The following TCP1 variants were observed in gnomAD, a reference collection of about 807,000 sequenced individuals.
TCP1 encodes the protein t-complex 1.
In TCP1, 6 loss-of-function variants were observed where a neutral mutation model predicts 54.7. The ratio of observed to expected loss-of-function variants is 0.11; its 90% CI spans 0.06 to 0.22. TCP1 has a LOEUF of 0.22. Ranked by LOEUF, TCP1 falls within the 10% of genes least tolerant of loss-of-function variation. TCP1 has a pLI of 1.00. For synonymous variants in TCP1, 225 were observed against 229.7 expected (o/e 0.98, Z 0.19); for missense variants, 511 against 678.2 (o/e 0.75, Z 2.74).
intron 3 of TCP1, 23 bp downstream of exon 3, chr6:159,787,720 C>T (rs1780732430): frequency 1.3e-6 from 2 of 1,582,088 alleles, no homozygotes; most frequent in African/African-American, 1.4e-5. Context: ...GAAAAATGAT[C>T]ATTCTTTAGC....
At chr6:159,785,337 G>A (rs1780669150) in intron 5 of TCP1, 49 bp downstream of exon 5, 2 of 1,418,474 alleles carry the variant, frequency 1.4e-6, no homozygotes, top group Non-Finnish European at 2.0e-6. Context: ...CCATCTCAAA[G>A]TCTTATGCTT....
At chr6:159,789,309 AGGT>A in intron 1 of TCP1, 93 bp downstream of exon 1, 1 of 1,413,302 alleles carries the variant, frequency 7.1e-7, no homozygotes, top group Non-Finnish European at 9.8e-7. Flanking sequence ...CTTTCTGCGG[AGGT>A]AAAGGAGAGA....
intron 6 of TCP1, 121 bp from the exon 7 acceptor site, chr6:159,784,188 A>G: frequency 2.4e-6 from 3 of 1,263,468 alleles, no homozygotes; most frequent in Non-Finnish European, 1.1e-6. Flanking sequence ...TTATCTTAGA[A>G]AAATTTTATG....
chr6:159,781,533 G>A (rs1780576191), intron 7 of TCP1, among the ~76,000 whole-genome samples: 1 of 152,236 alleles, frequency 6.6e-6, no homozygotes, highest in African/African-American at 2.4e-5. Flanking sequence ...AGCACTTTGG[G>A]AGGCTGAGGC....
At position 159,789,556 on chromosome 6, in the gene TCP1, G is replaced by C; in HGVS notation, c.-88C>G. 1 of 1,486,418 alleles carries C rather than the reference G, an allele frequency of 6.7e-7. No homozygotes were observed. The highest frequency in any genetic ancestry group is 9.3e-7 in the Non-Finnish European group (1 of 1,077,302). 92.1% of individuals were successfully genotyped at this position (1,486,418 alleles called of 1,614,324 possible). On this transcript the variant is annotated 5_prime_UTR_variant, in exon 1 of 12. Coordinates refer to ENST00000321394, the MANE Select transcript of TCP1 (RefSeq NM_030752.3). ...TCGGCCGACCGGCGACCACAGCAGT[G>C]GCTGCGACGGCGTGGAGCGTACCCG... is the stretch of plus-strand genomic sequence containing the variant.
Position 159,779,666 on chromosome 6 carries a change from T to C in TCP1, c.1415A>G (p.Asn472Ser). 2 of 1,612,342 alleles carry C rather than the reference T, an allele frequency of 1.2e-6. No homozygotes were observed. Among genetic ancestry groups the C allele is most frequent in the Non-Finnish European group, 1.7e-6 (2 of 1,179,610 alleles). Reference sequence around the variant, plus strand: ...ACGTTCTGGGTTAACCTGGGCCTCATTATGAAAAGCTCTTAATTTTGCAAC... The same window carrying C: ...ACGTTCTGGGTTAACCTGGGCCTCACTATGAAAAGCTCTTAATTTTGCAAC... ...DLVAKLRAFH[N>S]EAQVNPERKN... The change falls in exon 11 of 12, where the codon AAT becomes AGT. Residue 472 changes from asparagine to serine, a missense_variant. Asn to Ser is a conservative substitution (Grantham distance 46). This residue lies in a region of TCP1 where 88 missense variants were observed against 153.1 expected (regional missense o/e 0.57). Transcript: ENST00000321394.
rs952863490 is a variant in TCP1 at position 159,787,327 on chromosome 6, C to T, written c.279+416G>A. On this transcript the variant is annotated intron_variant, in intron 3 of 11. Transcript: ENST00000321394. ...TCCAAATAATCAGAAAAGTTGAGAG[C>T]TTTCCAAGTCTCAAGGGGTGATGGG... 6.6e-5 allele frequency among the ~76,000 whole-genome samples: 10 copies of T among 152,098 alleles called. No homozygotes were observed. In the East Asian group the frequency reaches 1.9e-3, roughly 29 times the overall value.
At position 159,782,546 on chromosome 6, in the gene TCP1, G is replaced by C. The variant is rs114930175; in HGVS notation, c.797+1395C>G. On this transcript the variant is annotated intron_variant, in intron 7 of 11. Coordinates refer to ENST00000321394, the MANE Select transcript of TCP1 (RefSeq NM_030752.3). ...TCAAGCGGTCTTGGTGACAGATTAG[G>C]AGAAAAAGTGTTGGTAAAAAGGAGG... 1.9e-3 allele frequency among the ~76,000 whole-genome samples: 291 copies of C among 152,298 alleles called. 1 individual carries two copies. Among genetic ancestry groups the C allele is most frequent in the African/African-American group, 6.6e-3 (276 of 41,562 alleles).
At chr6:159,789,261 G>A (rs998792657) in intron 1 of TCP1, 144 bp downstream of exon 1, 11 of 875,104 alleles carry the variant, frequency 1.3e-5, no homozygotes, top group South Asian at 3.4e-5. Context: ...CCCAGAGAAC[G>A]GCGGGTGGGC....
Position 159,780,585 on chromosome 6 carries a change from AG to A in TCP1, c.974-20del. ...ATAGTTGCTAATAAGAGAGTTACAA[AG>A]GATCTGTGAATATTGCTCTTTCATG... On this transcript the variant is annotated intron_variant, in intron 8 of 11. Transcript: ENST00000321394. 1 of 1,605,054 alleles carries A rather than the reference AG, an allele frequency of 6.2e-7. No individual in the cohort carries two copies. The highest frequency in any genetic ancestry group is 1.1e-5 in the South Asian group (1 of 88,830).
At position 159,780,433 on chromosome 6, in the gene TCP1, T is replaced by C. The variant is rs1313842159; in HGVS notation, c.1097+10A>G. ...GGTATAACTTTACAATTTTAGAAAG[T>C]GGCTCTTACTTTTTGATTAAGATCA... On this transcript the variant is annotated intron_variant, in intron 9 of 11. Transcript: ENST00000321394. 2 of 1,613,364 alleles carry C rather than the reference T, an allele frequency of 1.2e-6. No individual in the cohort carries two copies. Among genetic ancestry groups the C allele is most frequent in the South Asian group, 1.1e-5 (1 of 91,006 alleles).
chr6:159,786,866 CG>C (rs377070843), intron 3 of TCP1, among the ~76,000 whole-genome samples: 10 of 152,234 alleles, frequency 6.6e-5, no homozygotes, highest in African/African-American at 2.4e-4. Context: ...TTTACTGACT[CG>C]GTAAGATCAC....
intron 8 of TCP1, 54 bp downstream of exon 8, chr6:159,780,881 G>C: frequency 6.6e-7 from 1 of 1,515,988 alleles, no homozygotes; most frequent in Non-Finnish European, 8.8e-7. Context: ...AAAGACCTTT[G>C]ATAGGATCAG....
intron 5 of TCP1, 174 bp from the exon 6 acceptor site, chr6:159,785,021 T>TTTA (rs1780659906): frequency 1.5e-6 from 1 of 684,476 alleles, no homozygotes; most frequent in African/African-American, 1.8e-5. Context: ...TCATATCACT[T>TTTA]TTAGACATGC....
At chr6:159,787,559 C>T (rs1780728267) in intron 3 of TCP1, among the ~76,000 whole-genome samples, 184 bp downstream of exon 3, 1 of 152,000 alleles carries the variant, frequency 6.6e-6, no homozygotes, top group South Asian at 2.1e-4. Flanking sequence ...GAATCTGTAC[C>T]TAAGAAGCTT....
chr6:159,788,004 C>CA, intron 2 of TCP1, 54 bp downstream of exon 2: 1 of 1,609,430 alleles, frequency 6.2e-7, no homozygotes, highest in Non-Finnish European at 8.5e-7. Context: ...CATAGCAAAA[C>CA]ACTGAAGATA....
rs1365817067 is a variant in TCP1, at chr6:159,779,113, G to T, written c.1603C>A (p.Pro535Thr). The T allele has an allele frequency of 6.2e-7, 1 of 1,613,970 alleles. No individual in the cohort carries two copies. The highest frequency in any genetic ancestry group is 1.7e-5 in the Admixed American group (1 of 60,012). ...LRIDDLIKLHPESKDDKHGSY... is the reference protein window; with the variant it reads ...LRIDDLIKLHTESKDDKHGSY... ...CCATGTTTATCATCTTTACTTTCTG[G>T]ATGTAATTTAATAAGATCATCAATT... The change falls in exon 12 of 12, where the codon CCA (proline) becomes ACA (threonine). Residue 535 changes from proline to threonine, a missense_variant. Coordinates refer to ENST00000321394, the MANE Select transcript of TCP1 (RefSeq NM_030752.3).
In TCP1 at chr6:159,779,960, CCA is replaced by C; in HGVS notation, c.1223_1224del (p.Val408GlyfsTer16). 6.2e-7 allele frequency: 1 copy of C among 1,614,130 alleles called. No homozygotes were observed. On this transcript the variant is annotated frameshift_variant, in exon 10 of 12. Coordinates refer to ENST00000321394, the MANE Select transcript of TCP1 (RefSeq NM_030752.3). LOFTEE classifies it high-confidence loss of function. ...GCTTCTACAGCACCCCCACCGGGAA[CCA>C]CAGATTTTGACTCCAAAACTCTCTT... Reference protein sequence around the residue: ...VVKRVLESKSVVPGGGAVEAA... With the variant: ...VVKRVLESKSXVPGGGAVEAA...
Position 159,779,083 on chromosome 6 carries a change from A to G in TCP1, c.1633T>C (p.Tyr545His), listed in dbSNP as rs1170587091. The change falls in exon 12 of 12, where the codon TAT (tyrosine) becomes CAT (histidine). Residue 545 changes from tyrosine (Y) to histidine (H), a missense_variant. Transcript: ENST00000321394. ...GCTCCAGAGTGAACAGCATCTTCAT[A>G]ACTTCCATGTTTATCATCTTTACTT... Reference protein sequence around the residue: ...PESKDDKHGSYEDAVHSGALN... With the variant: ...PESKDDKHGSHEDAVHSGALN... The G allele has an allele frequency of 6.2e-7, 1 of 1,614,128 alleles. No homozygotes were observed. Among genetic ancestry groups the G allele is most frequent in the Non-Finnish European group, 8.5e-7 (1 of 1,179,968 alleles).
Sources: allele counts gnomAD v4.1 joint callset (sites outside exome capture counted in the v4.1 genomes callset), GRCh38; gene constraint gnomAD v4.1.1; regional missense constraint gnomAD v4.1.1; transcripts MANE v1.5; gene names NCBI Gene and HGNC (gene_info 2026-07-23, HGNC 2026-07-21).